The following TAFA5 variants were observed in gnomAD, a reference collection of about 807,000 sequenced individuals.
TAFA5 encodes the protein chemokine-like protein TAFA-5.
TAFA5 carries 6 observed loss-of-function variants against 15.3 expected under a neutral mutation model. The observed-to-expected ratio is 0.39, with a 90% CI of 0.21 to 0.77. TAFA5 has a LOEUF of 0.77. Ranked by LOEUF, TAFA5 falls within the 30% of genes least tolerant of loss-of-function variation. TAFA5 has a pLI of 0.41. For synonymous variants in TAFA5, 103 were observed against 80.7 expected, an observed-to-expected ratio of 1.28 and a Z score of -1.48; for missense variants, 161 against 193.1, an observed-to-expected ratio of 0.83 and a Z score of 0.98.
intron 1 of TAFA5, among the ~76,000 whole-genome samples, chr22:48,501,245 C>T (rs1329541941): frequency 6.6e-6 from 1 of 152,228 alleles, no homozygotes; most frequent in Non-Finnish European, 1.5e-5. Flanking sequence ...GGAGTGAGGC[C>T]TTCTCTCCCG....
chr22:48,630,202 T>TA (rs1158548872), intron 1 of TAFA5, among the ~76,000 whole-genome samples: 2 of 152,046 alleles, frequency 1.3e-5, no homozygotes, highest in Admixed American at 6.5e-5. Flanking sequence ...CCAGATTCTC[T>TA]AAATAGGGGG....
intron 1 of TAFA5, among the ~76,000 whole-genome samples, chr22:48,547,644 G>C (rs965027946): frequency 1.3e-5 from 2 of 152,148 alleles, no homozygotes; most frequent in Non-Finnish European, 2.9e-5. Context: ...CCACTTTAGG[G>C]ACATTATCTG....
intron 3 of TAFA5, among the ~76,000 whole-genome samples, chr22:48,730,730 C>T (rs543398769): frequency 2.7e-4 from 41 of 152,248 alleles, no homozygotes; most frequent in African/African-American, 8.7e-4. Context: ...AAACCATGCC[C>T]GTGTAAGATG....
intron 2 of TAFA5, among the ~76,000 whole-genome samples, chr22:48,699,912 C>G (rs2147245219): frequency 6.6e-6 from 1 of 152,282 alleles, no homozygotes; most frequent in South Asian, 2.1e-4. Context: ...CAGAGAGCAG[C>G]TCGCACACCC....
At chr22:48,511,093 A>G (rs555875593) in intron 1 of TAFA5, among the ~76,000 whole-genome samples, 1 of 152,348 alleles carries the variant, frequency 6.6e-6, no homozygotes, top group East Asian at 1.9e-4. Flanking sequence ...TGCATGACCC[A>G]GAACTGGTCT....
chr22:48,560,774 A>G lies in TAFA5; in HGVS notation c.112+71070A>G, dbSNP rs1246881751. Among the ~76,000 whole-genome samples the G allele has an allele frequency of 2.0e-5, 3 of 151,304 alleles. No individual in the cohort carries two copies. The highest frequency in any genetic ancestry group is 2.9e-5 in the Non-Finnish European group (2 of 67,854). On this transcript the variant is annotated intron_variant, in intron 1 of 3. Coordinates refer to ENST00000402357, the MANE Select transcript of TAFA5 (RefSeq NM_001082967.3). This position sits in a 1 kb window ranked among gnomAD's most constrained non-coding sequence, Gnocchi z 4.2. ...CAGGTGCTCAACACCACGCCTGGATAATTTTTTGTGTTTTTAGTAGAGATG... is the reference window on the plus strand; with the variant it reads ...CAGGTGCTCAACACCACGCCTGGATGATTTTTTGTGTTTTTAGTAGAGATG...
intron 1 of TAFA5, among the ~76,000 whole-genome samples, chr22:48,572,966 C>T (rs907293507): frequency 2.0e-5 from 3 of 152,332 alleles, no homozygotes; most frequent in Admixed American, 6.5e-5. Flanking sequence ...TGTTAAATTT[C>T]GTTTAGAGAC....
chr22:48,740,851 C>T (rs149151609), intron 3 of TAFA5, among the ~76,000 whole-genome samples: 115 of 151,436 alleles, frequency 7.6e-4, no homozygotes, highest in African/African-American at 2.5e-3. Flanking sequence ...AGCTCAGTGA[C>T]CCCCCGCCCT....
intron 3 of TAFA5, among the ~76,000 whole-genome samples, chr22:48,735,649 CT>C (rs1179079694): frequency 6.6e-6 from 1 of 152,214 alleles, no homozygotes; most frequent in Non-Finnish European, 1.5e-5. Context: ...GAAATTTGTA[CT>C]CATGATGCTT....
In TAFA5 at chr22:48,604,332, A is replaced by G. The variant is rs1365042335; in HGVS notation, c.113-42265A>G. 2.0e-5 allele frequency among the ~76,000 whole-genome samples: 3 copies of G among 152,212 alleles called. No individual in the cohort carries two copies. The East Asian group carries it at 5.8e-4, about 29-fold the overall frequency. On this transcript the variant is annotated intron_variant, in intron 1 of 3. Coordinates refer to ENST00000402357, the MANE Select transcript of TAFA5 (RefSeq NM_001082967.3). ...CCCTGGAGTCATTTGTGACATGGGC[A>G]TGTCACCACTCAGACATGTCCTCTG...
At chr22:48,650,858 C>T (rs1317143900) in intron 2 of TAFA5, among the ~76,000 whole-genome samples, 3 of 152,194 alleles carry the variant, frequency 2.0e-5, no homozygotes, top group South Asian at 2.1e-4. Flanking sequence ...GATGCCCTGG[C>T]GGGCTGGCCA....
At chr22:48,564,919 G>A (rs1923359755) in intron 1 of TAFA5, among the ~76,000 whole-genome samples, 1 of 152,266 alleles carries the variant, frequency 6.6e-6, no homozygotes, top group African/African-American at 2.4e-5. Flanking sequence ...CAAAAAAGAG[G>A]AGGTGCAGAA....
At chr22:48,746,543 C>G (rs931153107) in intron 3 of TAFA5, among the ~76,000 whole-genome samples, 1 of 152,202 alleles carries the variant, frequency 6.6e-6, no homozygotes, top group African/African-American at 2.4e-5. Flanking sequence ...TCTATTAGAT[C>G]TCTTCAAGCC....
chr22:48,621,412 A>G (rs1189586609), intron 1 of TAFA5, among the ~76,000 whole-genome samples: 3 of 151,810 alleles, frequency 2.0e-5, no homozygotes, highest in South Asian at 2.1e-4. Context: ...CATCCATGGC[A>G]TCAGCAGATA....
At chr22:48,571,578 T>TTTG (rs1569029651) in intron 1 of TAFA5, among the ~76,000 whole-genome samples, 23 of 99,728 alleles carry the variant, frequency 2.3e-4, no homozygotes, top group Non-Finnish European at 3.3e-4. Context: ...TGGCCTGTTT[T>TTTG]TTTTTTTTTT....
rs1351062008 is a variant in TAFA5 at position 48,620,597 on chromosome 22, C to CTCTACCCGT, written c.113-26000_113-25999insTCTACCCGT. Among the ~76,000 whole-genome samples the CTCTACCCGT allele has an allele frequency of 1.4e-5, 2 of 142,810 alleles. 1 individual carries two copies. Among genetic ancestry groups the CTCTACCCGT allele is most frequent in the East Asian group, 4.1e-4 (2 of 4,902 alleles). 93.7% of individuals were successfully genotyped at this position (142,810 alleles called of 152,430 possible). On this transcript the variant is annotated intron_variant, in intron 1 of 3. Coordinates refer to ENST00000402357, the MANE Select transcript of TAFA5 (RefSeq NM_001082967.3). ...CATGTATCCATCCGTCCACCCACCC[C>CTCTACCCGT]CCTACCCATCCTATCCACCCACCCA...
rs1396149935 is a variant in TAFA5 at position 48,655,822 on chromosome 22, C to CACTGATT, written c.262+9077_262+9083dup. Among the ~76,000 whole-genome samples the CACTGATT allele has an allele frequency of 7.1e-4, 100 of 140,084 alleles. 1 individual carries two copies. Among genetic ancestry groups the CACTGATT allele is most frequent in the Non-Finnish European group, 1.4e-3 (89 of 64,798 alleles). The allele number at this position is 140,084 out of a possible 152,430, so 91.9% of individuals were successfully genotyped here. A position where few individuals can be genotyped will look rare whatever the true frequency, so the allele number is the denominator to read the frequency against. Reference sequence around the variant, plus strand: ...TCCTGCCTGGCTTCCTGAAGCCAAACACTGATTCTTTTTTTTTTTTTTTTT... The same window carrying CACTGATT: ...TCCTGCCTGGCTTCCTGAAGCCAAACACTGATTACTGATTCTTTTTTTTTTTTTTTTT... On this transcript the variant is annotated intron_variant, in intron 2 of 3. Coordinates refer to ENST00000402357, the MANE Select transcript of TAFA5 (RefSeq NM_001082967.3).
chr22:48,648,034 G>T (rs1052424357), intron 2 of TAFA5, among the ~76,000 whole-genome samples: 5 of 152,200 alleles, frequency 3.3e-5, no homozygotes, highest in African/African-American at 9.6e-5. Flanking sequence ...GTGGAGTAGG[G>T]CCGAGGATAT....
At chr22:48,610,383 G>C (rs1422192571) in intron 1 of TAFA5, among the ~76,000 whole-genome samples, 1 of 152,278 alleles carries the variant, frequency 6.6e-6, no homozygotes, top group East Asian at 1.9e-4. Context: ...GAAGTCACGA[G>C]GTCCTCGCCT....
Sources: gnomAD v4.1 joint callset for allele counts (sites outside exome capture counted in the v4.1 genomes callset) on GRCh38, gnomAD v4.1.1 for gene constraint, Gnocchi (gnomAD v3.1) non-coding constraint, MANE v1.5 for transcripts, NCBI Gene and HGNC (gene_info 2026-07-23, HGNC 2026-07-21) for gene names.